Variants in FHIT observed in about 807,000 individuals in gnomAD.
The protein encoded by FHIT is fragile histidine triad diadenosine triphosphatase, also known as bis(5'-adenosyl)-triphosphatase.
A neutral mutation model predicts 17.9 loss-of-function variants in FHIT; 19 were observed. The ratio of observed to expected loss-of-function variants is 1.06; its 90% CI spans 0.74 to 1.56. FHIT has a LOEUF of 1.56. Ranked by LOEUF, FHIT falls within the 40% of genes most tolerant of loss-of-function variation. FHIT has a pLI of 0.00. For missense variants in FHIT, 248 were observed against 189.2 expected (o/e 1.31, Z -1.82); for synonymous variants, 81 against 69.7 (o/e 1.16, Z -0.81).
At chr3:60,693,449 A>G (rs999064360) in intron 4 of FHIT, among the ~76,000 whole-genome samples, 2 of 152,140 alleles carry the variant, frequency 1.3e-5, no homozygotes, top group Non-Finnish European at 2.9e-5. Context: ...AGATTTCTAT[A>G]TGTTCTGATG....
At chr3:60,894,627 C>T (rs1341656411) in intron 3 of FHIT, among the ~76,000 whole-genome samples, 4 of 151,926 alleles carry the variant, frequency 2.6e-5, no homozygotes, top group African/African-American at 9.7e-5. Flanking sequence ...ATATTCAAAG[C>T]TCTGGGGCTC....
chr3:59,858,438 C>A (rs1413056168), intron 8 of FHIT, among the ~76,000 whole-genome samples: 1 of 151,692 alleles, frequency 6.6e-6, no homozygotes, highest in Non-Finnish European at 1.5e-5. Flanking sequence ...ATGTTGGCCA[C>A]GATGGTCTCA....
At position 60,457,774 on chromosome 3, in the gene FHIT, A is replaced by G. The variant is rs1274148897; in HGVS notation, c.103+79086T>C. Among the ~76,000 whole-genome samples, 4 of 150,330 alleles carry G rather than the reference A, an allele frequency of 2.7e-5. No individual in the cohort carries two copies. In the Admixed American group the frequency reaches 2.7e-4, roughly 10 times the overall value. ...AATCCCATCAAAAACTGGGCGAAGG[A>G]TATGAACAGACACTTCTCAAAAGAA... On this transcript the variant is annotated intron_variant, in intron 5 of 9. Transcript: ENST00000492590.
chr3:61,230,713 A>G (rs146063492), intron 1 of FHIT, among the ~76,000 whole-genome samples: 1 of 152,144 alleles, frequency 6.6e-6, no homozygotes, highest in Admixed American at 6.5e-5. Flanking sequence ...AGAAAAATTT[A>G]AAAAATAATA....
At chr3:60,130,782 G>GTATATACACACATATA (rs1576167802) in intron 5 of FHIT, among the ~76,000 whole-genome samples, 28 of 12,302 alleles carry the variant, frequency 2.3e-3, no homozygotes, top group African/African-American at 3.1e-3. Context: ...GTGTGTGTGT[G>GTATATACACACATATA]TGGTGTGTAT....
In FHIT at chr3:60,561,096, T is replaced by G. The variant is rs566112374; in HGVS notation, c.-17-24117A>C. Among the ~76,000 whole-genome samples, 5 of 152,086 alleles carry G rather than the reference T, an allele frequency of 3.3e-5. No individual in the cohort carries two copies. In the South Asian group the frequency reaches 1.0e-3, roughly 32 times the overall value. ...TTTTCCATGTCTCTATCTCTAGTATTTAAGATTTTTTTAATGTATCTTAGA... is the reference window on the plus strand; with the variant it reads ...TTTTCCATGTCTCTATCTCTAGTATGTAAGATTTTTTTAATGTATCTTAGA... On this transcript the variant is annotated intron_variant, in intron 4 of 9. Transcript: ENST00000492590.
intron 3 of FHIT, among the ~76,000 whole-genome samples, chr3:60,962,599 G>A (rs960264935): frequency 2.6e-5 from 4 of 152,120 alleles, no homozygotes; most frequent in Admixed American, 6.6e-5. Flanking sequence ...TTTCAGACAC[G>A]TCCCATCACT....
At chr3:60,126,548 A>C (rs1705560139) in intron 5 of FHIT, among the ~76,000 whole-genome samples, 1 of 152,178 alleles carries the variant, frequency 6.6e-6, no homozygotes, top group Non-Finnish European at 1.5e-5. Flanking sequence ...TGTATACCTG[A>C]GGTTGCTATC....
chr3:60,374,263 A>C (rs1700451672), intron 5 of FHIT, among the ~76,000 whole-genome samples: 1 of 152,114 alleles, frequency 6.6e-6, no homozygotes, highest in African/African-American at 2.4e-5. Flanking sequence ...ACCCACTGAG[A>C]ATGTGTGCCA....
chr3:60,912,618 C>T (rs1172187748), intron 3 of FHIT: 2 of 348,492 alleles, frequency 5.7e-6, no homozygotes, highest in African/African-American at 2.2e-5. Context: ...AGGTGCCCTC[C>T]CCACCTATCA....
chr3:60,696,466 T>C (rs952606550), intron 4 of FHIT, among the ~76,000 whole-genome samples: 1 of 152,186 alleles, frequency 6.6e-6, no homozygotes, highest in Non-Finnish European at 1.5e-5. Flanking sequence ...CATGCAAAAT[T>C]GCCTATTTCC....
At chr3:60,969,113 T>G (rs1384290778) in intron 3 of FHIT, among the ~76,000 whole-genome samples, 3 of 152,162 alleles carry the variant, frequency 2.0e-5, no homozygotes, top group Admixed American at 1.3e-4. Context: ...TGATATTGCT[T>G]CTTCCTTAAA....
chr3:61,220,597 G>A (rs930330093), intron 1 of FHIT, among the ~76,000 whole-genome samples: 3 of 152,148 alleles, frequency 2.0e-5, no homozygotes, highest in Non-Finnish European at 2.9e-5. Context: ...AAATGTAGGT[G>A]AAAGTCTTTC....
intron 5 of FHIT, among the ~76,000 whole-genome samples, chr3:60,399,755 A>T (rs929590240): frequency 1.3e-5 from 2 of 152,170 alleles, no homozygotes; most frequent in African/African-American, 4.8e-5. Flanking sequence ...GGGTGATTAT[A>T]ATCACCTTTT....
At chr3:60,099,474 C>A (rs1420155957) in intron 5 of FHIT, among the ~76,000 whole-genome samples, 1 of 152,218 alleles carries the variant, frequency 6.6e-6, no homozygotes, top group South Asian at 2.1e-4. Context: ...GATTCTGACC[C>A]AATCAGTAGG....
chr3:60,408,995 G>A (rs943785367), intron 5 of FHIT, among the ~76,000 whole-genome samples: 31 of 152,050 alleles, frequency 2.0e-4, no homozygotes, highest in African/African-American at 6.3e-4. Context: ...AGTCAGACTC[G>A]GGGGCTCAAA....
At chr3:59,802,578 G>A (rs905278434) in intron 8 of FHIT, among the ~76,000 whole-genome samples, 1 of 151,750 alleles carries the variant, frequency 6.6e-6, no homozygotes, top group Non-Finnish European at 1.5e-5. Context: ...CTTTGACTGT[G>A]ATTTTCCATT....
intron 5 of FHIT, among the ~76,000 whole-genome samples, chr3:60,092,761 T>C (rs1576081134): frequency 6.6e-6 from 1 of 152,062 alleles, no homozygotes; most frequent in East Asian, 1.9e-4. Flanking sequence ...ATAACAATAA[T>C]GACATTCACT....
At chr3:60,552,966 T>A (rs1248486300) in intron 4 of FHIT, among the ~76,000 whole-genome samples, 2 of 152,184 alleles carry the variant, frequency 1.3e-5, no homozygotes, top group Non-Finnish European at 2.9e-5. Context: ...CATGTCTACA[T>A]GGTCCCGGTC....
Sources: gnomAD v4.1 joint callset for allele counts (sites outside exome capture counted in the v4.1 genomes callset) on GRCh38, gnomAD v4.1.1 for gene constraint, MANE v1.5 for transcripts, NCBI Gene and HGNC (gene_info 2026-07-23, HGNC 2026-07-21) for gene names.